FHIP2A: variants seen among roughly 807,000 people sequenced by gnomAD.
FHIP2A encodes the protein FHF complex subunit HOOK interacting protein 2A.
A neutral mutation model predicts 93.5 loss-of-function variants in FHIP2A; 46 were observed. That is an observed-to-expected ratio of 0.49 (90% CI 0.39 to 0.63). FHIP2A has a LOEUF of 0.63. Ranked by LOEUF, FHIP2A falls within the 20% of genes least tolerant of loss-of-function variation. FHIP2A has a pLI of 0.00. For synonymous variants in FHIP2A, 332 were observed against 326.5 expected (o/e 1.02, Z -0.18); for missense variants, 769 against 909.7 (o/e 0.85, Z 1.99).
intron 2 of FHIP2A, 102 bp downstream of exon 2, chr10:114,831,032 A>T: frequency 1.6e-6 from 1 of 639,616 alleles, no homozygotes; most frequent in Middle Eastern, 4.2e-4. Context: ...GTTATTTTAT[A>T]TTTAAGTTTA....
At chr10:114,851,800 C>G (rs2083738465) in intron 13 of FHIP2A, among the ~76,000 whole-genome samples, 1 of 150,424 alleles carries the variant, frequency 6.6e-6, no homozygotes, top group African/African-American at 2.4e-5. Context: ...TACAGCCATC[C>G]TAACAATATT....
intron 16 of FHIP2A, among the ~76,000 whole-genome samples, chr10:114,896,478 GAAACTGCTT>G (rs2084002022): frequency 6.6e-6 from 1 of 152,210 alleles, no homozygotes; most frequent in Admixed American, 6.5e-5. Context: ...ACTCAAGCTG[GAAACTGCTT>G]AGGGCCCACA....
At chr10:114,837,450 G>A (rs562880413) in intron 5 of FHIP2A, among the ~76,000 whole-genome samples, 1 of 152,300 alleles carries the variant, frequency 6.6e-6, no homozygotes, top group East Asian at 1.9e-4. Flanking sequence ...GGGAGGTGGA[G>A]GTTGCAGTGA....
chr10:114,849,626 G>A (rs1000532892), intron 13 of FHIP2A, among the ~76,000 whole-genome samples: 7 of 152,066 alleles, frequency 4.6e-5, no homozygotes, highest in East Asian at 1.9e-4. Flanking sequence ...AAAATTCAAC[G>A]TTTTAACTAT....
intron 16 of FHIP2A, among the ~76,000 whole-genome samples, chr10:114,897,288 C>T (rs2084005595): frequency 2.0e-5 from 3 of 152,150 alleles, no homozygotes; most frequent in South Asian, 2.1e-4. Context: ...TGTGAGGTCT[C>T]GTTCCAGCCA....
At chr10:114,851,244 T>G (rs1363531396) in intron 13 of FHIP2A, among the ~76,000 whole-genome samples, 7 of 152,158 alleles carry the variant, frequency 4.6e-5, no homozygotes. Context: ...AAGTGCAACT[T>G]AACTATTTTT....
chr10:114,843,982 C>T, intron 7 of FHIP2A, 45 bp downstream of exon 7: 2 of 1,413,878 alleles, frequency 1.4e-6, no homozygotes, highest in Non-Finnish European at 1.9e-6. Flanking sequence ...GACTTCTTAA[C>T]ACCTACATTT....
At chr10:114,881,020 C>T (rs1467451335) in intron 16 of FHIP2A, among the ~76,000 whole-genome samples, 1 of 152,134 alleles carries the variant, frequency 6.6e-6, no homozygotes, top group Non-Finnish European at 1.5e-5. Flanking sequence ...AACAGAAAGC[C>T]TTGGAGACAG....
intron 1 of FHIP2A, among the ~76,000 whole-genome samples, chr10:114,829,896 T>C (rs551903122): frequency 4.3e-4 from 66 of 152,368 alleles, no homozygotes; most frequent in African/African-American, 1.5e-3. Flanking sequence ...GATATAATTT[T>C]GGGCATAAAA....
chr10:114,889,293 G>T (rs149575189), intron 16 of FHIP2A, among the ~76,000 whole-genome samples: 1 of 152,050 alleles, frequency 6.6e-6, no homozygotes, highest in Non-Finnish European at 1.5e-5. Context: ...ATAAAAGAAG[G>T]CTTGTTCTCC....
At chr10:114,877,111 C>G (rs1201210234) in intron 16 of FHIP2A, among the ~76,000 whole-genome samples, 3 of 152,100 alleles carry the variant, frequency 2.0e-5, no homozygotes, top group African/African-American at 7.2e-5. Flanking sequence ...CAAGGACAAA[C>G]GTACAACGAA....
chr10:114,858,273 G>T (rs1248721372), intron 14 of FHIP2A, among the ~76,000 whole-genome samples: 1 of 152,184 alleles, frequency 6.6e-6, no homozygotes, highest in Non-Finnish European at 1.5e-5. Flanking sequence ...TCAGAGTACA[G>T]TGAAACAAGT....
At chr10:114,839,881 C>CAAAA (rs10612399) in intron 5 of FHIP2A, among the ~76,000 whole-genome samples, 32 of 95,560 alleles carry the variant, frequency 3.3e-4, no homozygotes, top group South Asian at 6.9e-4. Flanking sequence ...GACTCTGTCT[C>CAAAA]AAAAAAAAAA....
intron 16 of FHIP2A, among the ~76,000 whole-genome samples, chr10:114,881,951 TGTGTCTGTGTGC>T (rs1397220290): frequency 1.3e-5 from 2 of 152,216 alleles, no homozygotes; most frequent in African/African-American, 4.8e-5. Flanking sequence ...CGTGTGTATG[TGTGTCTGTGTGC>T]GTGTCTGTAT....
intron 5 of FHIP2A, among the ~76,000 whole-genome samples, chr10:114,837,078 T>G (rs2083640370): frequency 1.3e-5 from 2 of 151,692 alleles, no homozygotes; most frequent in Admixed American, 1.3e-4. Context: ...ATTTTTTAAG[T>G]TTTTTTGTAG....
chr10:114,838,501 AT>A (rs145736672), intron 5 of FHIP2A, among the ~76,000 whole-genome samples: 2,488 of 150,258 alleles, frequency 0.017, 80 homozygotes, highest in African/African-American at 0.058. Context: ...TGATATTAGA[AT>A]TTTTTTTTTA....
At position 114,847,197 on chromosome 10, in the gene FHIP2A, A is replaced by G. The variant is rs1427287963; in HGVS notation, c.1676A>G (p.Asn559Ser). 3 of 1,612,798 alleles carry G rather than the reference A, an allele frequency of 1.9e-6. No homozygotes were observed. In the African/African-American group the frequency reaches 4.0e-5, roughly 22 times the overall value. ...SPPATPDHPK[N>S]DGKTEVHKIV... is the part of the protein sequence containing the mutation. ...CCTGCTACTCCAGACCACCCCAAAA[A>G]TGATGGAAAAACTGAAGTTCATAAA... Residue 559 changes from asparagine (N) to serine (S), a missense_variant, in exon 12 of 17, where the codon AAT becomes AGT. Physicochemically the swap from Asn to Ser is conservative, Grantham distance 46 (BLOSUM62 1). Coordinates refer to ENST00000369248, the MANE Select transcript of FHIP2A (RefSeq NM_020940.4).
chr10:114,835,476 C>A, intron 3 of FHIP2A, 61 bp from the exon 4 acceptor site: 1 of 985,352 alleles, frequency 1.0e-6, no homozygotes, highest in South Asian at 1.5e-5. Flanking sequence ...TTAAGCTTTT[C>A]AGTAAATGTG....
chr10:114,857,915 C>A lies in FHIP2A; in HGVS notation c.1947+2575C>A, dbSNP rs972552083. 2.0e-5 allele frequency among the ~76,000 whole-genome samples: 3 copies of A among 152,164 alleles called. No individual in the cohort carries two copies. In the South Asian group the frequency reaches 6.2e-4, roughly 32 times the overall value. On this transcript the variant is annotated intron_variant, in intron 14 of 16. Transcript: ENST00000369248. ...AGCCCATAGCAGAATGTAAAGAACA[C>A]TGGGAACATTGTAAGGAGGCCAAAT...
Sources: gnomAD v4.1 joint callset for allele counts (sites outside exome capture counted in the v4.1 genomes callset) on GRCh38, gnomAD v4.1.1 for gene constraint, MANE v1.5 for transcripts, NCBI Gene and HGNC (gene_info 2026-07-23, HGNC 2026-07-21) for gene names.